PRKCE: variants seen among roughly 807,000 people sequenced by gnomAD.
The protein encoded by PRKCE is protein kinase C epsilon, also known as protein kinase C epsilon type.
Under a neutral mutation model 85.4 loss-of-function variants are expected in PRKCE, and 16 were observed. The ratio of observed to expected loss-of-function variants is 0.19; its 90% CI spans 0.13 to 0.28. The LOEUF (loss-of-function observed/expected upper bound fraction) is 0.28. PRKCE is among the 10% of genes least tolerant of loss of function. The probability of loss-of-function intolerance (pLI) is 1.00; values close to 1 mark genes in which losing one functional copy is unlikely to be tolerated. For missense variants in PRKCE, 573 were observed against 975.2 expected (o/e 0.59, Z 5.49); for synonymous variants, 388 against 371.5 (o/e 1.04, Z -0.51).
intron 1 of PRKCE, among the ~76,000 whole-genome samples, chr2:45,782,760 TAC>T (rs1024451266): frequency 2.0e-5 from 3 of 151,756 alleles, no homozygotes; most frequent in East Asian, 1.9e-4. Context: ...TATATATATA[TAC>T]ACACACATAC....
intron 6 of PRKCE, among the ~76,000 whole-genome samples, chr2:45,985,740 G>A (rs1244048298): frequency 6.6e-6 from 1 of 152,188 alleles, no homozygotes; most frequent in Non-Finnish European, 1.5e-5. Context: ...TGGGAGGGCA[G>A]TGATAGCATT....
At chr2:45,992,239 C>G (rs1343720643) in intron 6 of PRKCE, among the ~76,000 whole-genome samples, 1 of 152,158 alleles carries the variant, frequency 6.6e-6, no homozygotes, top group Non-Finnish European at 1.5e-5. Flanking sequence ...GCCTGGGGAC[C>G]ATGAGAATGT....
chr2:45,860,359 T>A (rs1693046984), intron 2 of PRKCE, among the ~76,000 whole-genome samples: 2 of 152,312 alleles, frequency 1.3e-5, no homozygotes, highest in South Asian at 4.1e-4. Context: ...GGCCTTCTCC[T>A]TTTCAGAGAG....
At chr2:46,042,720 C>T (rs1708284238) in intron 10 of PRKCE, among the ~76,000 whole-genome samples, 1 of 152,184 alleles carries the variant, frequency 6.6e-6, no homozygotes, top group Non-Finnish European at 1.5e-5. Flanking sequence ...TACAAAACAC[C>T]AGAGGCGAAG....
chr2:46,025,422 A>G (rs13402503), intron 10 of PRKCE, among the ~76,000 whole-genome samples: 17,305 of 152,204 alleles, frequency 0.11, 1,464 homozygotes, highest in African/African-American at 0.24. Flanking sequence ...GGGATAGAAA[A>G]AGACACAATC....
At chr2:45,917,642 C>G (rs1299356523) in intron 2 of PRKCE, among the ~76,000 whole-genome samples, 1 of 152,250 alleles carries the variant, frequency 6.6e-6, no homozygotes, top group Non-Finnish European at 1.5e-5. Flanking sequence ...GCAGGTGGAG[C>G]TGCCTGCCAG....
At chr2:46,058,952 C>G (rs1666860967) in intron 10 of PRKCE, among the ~76,000 whole-genome samples, 1 of 152,208 alleles carries the variant, frequency 6.6e-6, no homozygotes, top group South Asian at 2.1e-4. Context: ...CTTGCCTTCA[C>G]CTTGTGAAGT....
chr2:46,111,479 A>G (rs372147167), intron 11 of PRKCE, among the ~76,000 whole-genome samples: 124 of 152,338 alleles, frequency 8.1e-4, no homozygotes, highest in African/African-American at 2.9e-3. Flanking sequence ...GTTCCTTTTA[A>G]CAATCATCCC....
chr2:46,002,504 C>G lies in PRKCE; in HGVS notation c.966+958C>G, dbSNP rs1484448158. 3.9e-5 allele frequency among the ~76,000 whole-genome samples: 6 copies of G among 152,234 alleles called. No individual in the cohort carries two copies. The East Asian group carries it at 9.6e-4, about 24-fold the overall frequency. On this transcript the variant is annotated intron_variant, in intron 7 of 14. Coordinates refer to ENST00000306156, the MANE Select transcript of PRKCE (RefSeq NM_005400.3). Reference sequence around the variant, plus strand: ...TTGTCATGTTAGAAGCTACCCGTGGCTCTTCCATGTTGCTTCTCTTGTATA... The same window carrying G: ...TTGTCATGTTAGAAGCTACCCGTGGGTCTTCCATGTTGCTTCTCTTGTATA...
chr2:45,734,480 G>T (rs1681874355), intron 1 of PRKCE, among the ~76,000 whole-genome samples: 3 of 152,348 alleles, frequency 2.0e-5, no homozygotes, highest in African/African-American at 4.8e-5. Context: ...TAAACGGGGG[G>T]GTTGTCTGCG....
intron 11 of PRKCE, among the ~76,000 whole-genome samples, chr2:46,099,653 G>A (rs1346485079): frequency 1.3e-5 from 2 of 151,956 alleles, no homozygotes; most frequent in Admixed American, 6.6e-5. Flanking sequence ...TTCTTATACT[G>A]CATTGCAACT....
At chr2:45,891,689 G>A (rs1038898737) in intron 2 of PRKCE, among the ~76,000 whole-genome samples, 1 of 152,144 alleles carries the variant, frequency 6.6e-6, no homozygotes, top group Non-Finnish European at 1.5e-5. Context: ...GTAGAGTGGG[G>A]GTTTCAGTGC....
intron 10 of PRKCE, among the ~76,000 whole-genome samples, chr2:46,081,135 G>A (rs1188497939): frequency 6.6e-6 from 1 of 152,134 alleles, no homozygotes; most frequent in East Asian, 1.9e-4. Flanking sequence ...GGAACTACAG[G>A]CGTGCACCAC....
At chr2:46,118,409 G>A (rs544847189) in intron 11 of PRKCE, among the ~76,000 whole-genome samples, 1 of 152,268 alleles carries the variant, frequency 6.6e-6, no homozygotes, top group African/African-American at 2.4e-5. Flanking sequence ...CTTTTCCAAA[G>A]GTTTGAAAAA....
intron 1 of PRKCE, among the ~76,000 whole-genome samples, chr2:45,837,770 A>C (rs1337057170): frequency 6.6e-6 from 1 of 152,132 alleles, no homozygotes; most frequent in Non-Finnish European, 1.5e-5. Context: ...GCACTCTGTG[A>C]GGCTGAGGTG....
chr2:45,811,983 C>T (rs1277390143), intron 1 of PRKCE, among the ~76,000 whole-genome samples: 1 of 152,174 alleles, frequency 6.6e-6, no homozygotes, highest in Admixed American at 6.5e-5. Flanking sequence ...CTAGGGGATT[C>T]CACCGCAGGG....
chr2:45,870,752 T>A (rs776233353), intron 2 of PRKCE, among the ~76,000 whole-genome samples: 31 of 152,224 alleles, frequency 2.0e-4, no homozygotes, highest in Non-Finnish European at 3.2e-4. Context: ...GGCAGACTTC[T>A]TTAATGGTTC....
At chr2:46,153,987 G>A (rs557284628) in intron 13 of PRKCE, among the ~76,000 whole-genome samples, 2 of 151,840 alleles carry the variant, frequency 1.3e-5, no homozygotes, top group South Asian at 2.1e-4. Flanking sequence ...GGGTTTCACC[G>A]TGTTAGCCAG....
At chr2:45,981,631 C>A (rs1022739689) in intron 5 of PRKCE, among the ~76,000 whole-genome samples, 5 of 152,198 alleles carry the variant, frequency 3.3e-5, no homozygotes, top group Non-Finnish European at 7.3e-5. Context: ...CCTCCCGACT[C>A]CTGGTCTAGG....
Sources: allele counts gnomAD v4.1 joint callset (sites outside exome capture counted in the v4.1 genomes callset), GRCh38; gene constraint gnomAD v4.1.1; transcripts MANE v1.5; gene names NCBI Gene and HGNC (gene_info 2026-07-23, HGNC 2026-07-21).